Variants in XG observed in about 807,000 individuals in gnomAD.
XG encodes the protein Xg glycoprotein (Xg blood group), also known as glycoprotein Xg.
Under a neutral mutation model 25.7 loss-of-function variants are expected in XG, and 24 were observed. That is an observed-to-expected ratio of 0.93 (90% CI 0.68 to 1.31). The LOEUF (loss-of-function observed/expected upper bound fraction) is 1.31, where lower values mean the gene tolerates loss of function less well. Ranked by LOEUF, XG falls within the 40% of genes most tolerant of loss-of-function variation. XG has a pLI of 0.00. For missense variants in XG, 181 were observed against 187.6 expected (o/e 0.96, Z 0.21); for synonymous variants, 77 against 69.2 (o/e 1.11, Z -0.56).
At position 2,815,799 on chromosome X, in the gene XG, T is replaced by TTA. The variant is rs1555893793; in HGVS notation, c.*1420_*1421dup. 1 of 7,953 alleles carries TTA rather than the reference T, an allele frequency of 1.3e-4. No homozygotes were observed. Among genetic ancestry groups the TTA allele is most frequent in the East Asian group, 0.013 (1 of 77 alleles). 0.7% of individuals were successfully genotyped at this position (7,953 alleles called of 1,213,427 possible). A position where few individuals can be genotyped will look rare whatever the true frequency, so the allele number is the denominator to read the frequency against. On this transcript the variant is annotated 3_prime_UTR_variant, in exon 11 of 11. Coordinates refer to ENST00000644266, the MANE Select transcript of XG (RefSeq NM_001141919.2). ...CTTGTGAAAAAACCTGTGTTTTTAG[T>TTA]TACACACACACACACACACACACCT...
intron 7 of XG, among the ~76,000 whole-genome samples, chrX:2,804,439 A>G (rs1038073064): frequency 9.0e-6 from 1 of 111,101 alleles, no homozygotes; most frequent in African/African-American, 3.3e-5. Context: ...GCTGGTCTTG[A>G]ACTGGGCTCA....
intron 7 of XG, among the ~76,000 whole-genome samples, chrX:2,800,975 CAAAAAAAA>C (rs55635919): frequency 2.7e-5 from 1 of 36,430 alleles, no homozygotes; most frequent in South Asian, 2.0e-3. Flanking sequence ...GACCCTGTCT[CAAAAAAAA>C]AAAAAAAAAA....
chrX:2,780,982 C>T (rs889247308), intron 3 of XG, among the ~76,000 whole-genome samples: 1 of 151,958 alleles, frequency 6.6e-6, no homozygotes, highest in Non-Finnish European at 1.5e-5. Context: ...TTCCCTTTAG[C>T]TTAGTGACTT....
rs757715880 is a variant in XG at position 2,781,457 on chromosome X, A to G, written c.128-609A>G. On this transcript the variant is annotated intron_variant, in intron 3 of 10. Coordinates refer to ENST00000644266, the MANE Select transcript of XG (RefSeq NM_001141919.2). Reference sequence around the variant, plus strand: ...GGAAGATCCTCAGGACTCAGACCTTAGTTATAGATTAAAAGAAGTTAATCA... The same window carrying G: ...GGAAGATCCTCAGGACTCAGACCTTGGTTATAGATTAAAAGAAGTTAATCA... 4.4e-4 allele frequency among the ~76,000 whole-genome samples: 66 copies of G among 149,476 alleles called. 5 individuals carry two copies. Among genetic ancestry groups the G allele is most frequent in the African/African-American group, 1.5e-3 (60 of 40,152 alleles).
Position 2,782,066 on chromosome X carries a change from A to G in XG, c.128A>G (p.Asp43Gly). The G allele has an allele frequency of 8.3e-7, 1 of 1,211,026 alleles. No homozygotes were observed. The highest frequency in any genetic ancestry group is 1.8e-5 in the South Asian group (1 of 56,933). The change falls in exon 4 of 11, where the codon GAT (aspartate) becomes GGT (glycine). Residue 43 changes from aspartate to glycine, a missense_variant and splice_region_variant. Coordinates refer to ENST00000644266, the MANE Select transcript of XG (RefSeq NM_001141919.2). Reference sequence around the variant, plus strand: ...CAGTGCAATGTTGTTTCCTCCACAGATATCTACCCAAAGCCAAAACCACCT... The same window carrying G: ...CAGTGCAATGTTGTTTCCTCCACAGGTATCTACCCAAAGCCAAAACCACCT... Reference protein sequence around the residue: ...DPEPTKKPNSDIYPKPKPPYY... With the variant: ...DPEPTKKPNSGIYPKPKPPYY...
At chrX:2,762,980 G>A (rs1180842060) in intron 1 of XG, among the ~76,000 whole-genome samples, 1 of 152,168 alleles carries the variant, frequency 6.6e-6, no homozygotes, top group African/African-American at 2.4e-5. Context: ...AAGGAAGTTA[G>A]AGCCTCAATA....
intron 1 of XG, among the ~76,000 whole-genome samples, chrX:2,754,966 A>G (rs1383680085): frequency 4.6e-5 from 7 of 152,200 alleles, no homozygotes; most frequent in Non-Finnish European, 8.8e-5. Flanking sequence ...GATATGGGTA[A>G]ACTGAGGCAC....
intron 1 of XG, among the ~76,000 whole-genome samples, chrX:2,761,691 G>A (rs1485134367): frequency 6.6e-6 from 1 of 150,834 alleles, no homozygotes; most frequent in Non-Finnish European, 1.5e-5. Context: ...ACAGCAGCCT[G>A]AAATGGACTA....
At chrX:2,752,882 C>T (rs1198403325) in intron 1 of XG, 4 of 977,732 alleles carry the variant, frequency 4.1e-6, no homozygotes, top group South Asian at 4.7e-5. Flanking sequence ...TCAAAAACTT[C>T]GATATAAACT....
At chrX:2,763,917 A>T (rs1337190126) in intron 1 of XG, among the ~76,000 whole-genome samples, 2 of 152,172 alleles carry the variant, frequency 1.3e-5, no homozygotes, top group African/African-American at 4.8e-5. Context: ...GAACCAGGGC[A>T]ACTCCAGGTT....
chrX:2,753,705 C>G (rs1415861138), intron 1 of XG, among the ~76,000 whole-genome samples: 2 of 151,976 alleles, frequency 1.3e-5, no homozygotes, highest in Non-Finnish European at 2.9e-5. Flanking sequence ...GCCTCAGCAT[C>G]TCAAGTAGCT....
At chrX:2,778,364 G>A (rs1013745000) in intron 3 of XG, among the ~76,000 whole-genome samples, 118 of 152,166 alleles carry the variant, frequency 7.8e-4, no homozygotes, top group Non-Finnish European at 1.1e-3. Context: ...ACAACATAGT[G>A]AGACCCCATC....
intron 7 of XG, among the ~76,000 whole-genome samples, chrX:2,800,937 C>G (rs1447170896): frequency 1.0e-5 from 1 of 97,821 alleles, no homozygotes; most frequent in Non-Finnish European, 2.0e-5. Flanking sequence ...GATAGCACCA[C>G]TACCTTCCAG....
intron 6 of XG, among the ~76,000 whole-genome samples, chrX:2,795,762 G>C (rs1216252753): frequency 1.8e-5 from 2 of 110,568 alleles, no homozygotes; most frequent in African/African-American, 6.5e-5. Context: ...GGGTTCAAGT[G>C]ATGTTCTGCC....
intron 1 of XG, among the ~76,000 whole-genome samples, chrX:2,763,891 T>G (rs4892889): frequency 0.51 from 77,302 of 151,772 alleles, 20,920 homozygotes; most frequent in East Asian, 0.87. Flanking sequence ...CTAAGTTGAG[T>G]TAGTGGGAGG....
rs186466926 is a variant in XG, at chrX:2,763,727, G to A, written c.62-6823G>A. On this transcript the variant is annotated intron_variant, in intron 1 of 10. Coordinates refer to ENST00000644266, the MANE Select transcript of XG (RefSeq NM_001141919.2). ...CTGTAACCTCTGCCTCCTTGCCATT[G>A]AAAACCCTCAGCTACTGGCCACCCA... Among the ~76,000 whole-genome samples the A allele has an allele frequency of 7.2e-3, 1,102 of 152,294 alleles. 12 individuals carry two copies. Among genetic ancestry groups the A allele is most frequent in the African/African-American group, 0.025 (1,027 of 41,552 alleles).
rs1315265693 is a variant in XG, at chrX:2,766,705, C to T, written c.62-3845C>T. Among the ~76,000 whole-genome samples the T allele has an allele frequency of 1.1e-4, 17 of 151,362 alleles. No individual in the cohort carries two copies. In the South Asian group the frequency reaches 1.5e-3, roughly 13 times the overall value. ...TCAGCCTCCCGAGTAGCTGGGACTA[C>T]AGGCGCCCGCCACCACACCCGGCTA... is the stretch of plus-strand genomic sequence containing the variant. On this transcript the variant is annotated intron_variant, in intron 1 of 10. Transcript: ENST00000644266.
At chrX:2,768,613 C>T (rs2050750151) in intron 1 of XG, among the ~76,000 whole-genome samples, 1 of 152,204 alleles carries the variant, frequency 6.6e-6, no homozygotes, top group Admixed American at 6.5e-5. Flanking sequence ...ACTGAAAATA[C>T]AAAAGTTAGC....
In XG at chrX:2,809,013, C is replaced by T. The variant is rs759810509; in HGVS notation, c.454+793C>T. ...TGCAGTCAAATCTGATGAATAATTT[C>T]CTGGAACATATGGGATCCTGTAGCA... On this transcript the variant is annotated intron_variant, in intron 9 of 10. Transcript: ENST00000644266. 1.8e-4 allele frequency among the ~76,000 whole-genome samples: 20 copies of T among 111,512 alleles called. No individual in the cohort carries two copies. The East Asian group carries it at 5.1e-3, about 28-fold the overall frequency.
Sources: allele counts gnomAD v4.1 joint callset (sites outside exome capture counted in the v4.1 genomes callset), GRCh38; gene constraint gnomAD v4.1.1; transcripts MANE v1.5; gene names NCBI Gene and HGNC (gene_info 2026-07-23, HGNC 2026-07-21).